CACNA2D3: variants seen among roughly 807,000 people sequenced by gnomAD.
CACNA2D3 encodes the protein calcium voltage-gated channel auxiliary subunit alpha2delta 3.
Under a neutral mutation model 160.6 loss-of-function variants are expected in CACNA2D3, and 60 were observed. The observed-to-expected ratio is 0.37, with a 90% CI of 0.30 to 0.46. CACNA2D3 has a LOEUF of 0.46. CACNA2D3 is among the 20% of genes least tolerant of loss of function. The pLI is 1.00. For synonymous variants in CACNA2D3, 558 were observed against 492.9 expected (o/e 1.13, Z -1.75); for missense variants, 1,205 against 1,365.0 (o/e 0.88, Z 1.85).
intron 5 of CACNA2D3, among the ~76,000 whole-genome samples, chr3:54,560,720 A>G (rs1015766007): frequency 9.8e-5 from 15 of 152,294 alleles, no homozygotes; most frequent in African/African-American, 3.4e-4. Flanking sequence ...TTTTACATTT[A>G]TGTCTTTAAA....
At chr3:54,223,683 G>A (rs778346273) in intron 2 of CACNA2D3, among the ~76,000 whole-genome samples, 2 of 151,740 alleles carry the variant, frequency 1.3e-5, no homozygotes, top group Non-Finnish European at 2.9e-5. Context: ...GTGAAACCCC[G>A]TCTCTACTAA....
chr3:54,453,803 C>T (rs1278841743), intron 4 of CACNA2D3, among the ~76,000 whole-genome samples: 1 of 152,170 alleles, frequency 6.6e-6, no homozygotes, highest in Non-Finnish European at 1.5e-5. Context: ...AATATTTGCA[C>T]AAAAGTCCTG....
intron 2 of CACNA2D3, among the ~76,000 whole-genome samples, chr3:54,134,999 A>G (rs1245289026): frequency 1.3e-5 from 2 of 152,234 alleles, no homozygotes; most frequent in Non-Finnish European, 2.9e-5. Context: ...AGCAAAGGCA[A>G]TTAGGAAGCT....
intron 29 of CACNA2D3, among the ~76,000 whole-genome samples, chr3:54,978,356 C>T (rs1231577710): frequency 6.6e-6 from 1 of 152,126 alleles, no homozygotes; most frequent in Admixed American, 6.6e-5. Flanking sequence ...GATGCATCTT[C>T]TGTAACTTCT....
chr3:55,066,935 GT>G (rs1389422710), intron 35 of CACNA2D3, among the ~76,000 whole-genome samples: 1 of 152,124 alleles, frequency 6.6e-6, no homozygotes, highest in African/African-American at 2.4e-5. Context: ...ATGGAGGTGT[GT>G]TTTATGAAGT....
intron 4 of CACNA2D3, among the ~76,000 whole-genome samples, chr3:54,389,127 T>G (rs145624865): frequency 0.02 from 3,057 of 152,138 alleles, 93 homozygotes; most frequent in African/African-American, 0.07. Flanking sequence ...AAACCCTGTC[T>G]CTACTAAAAA....
At chr3:54,174,586 G>T (rs546499820) in intron 2 of CACNA2D3, among the ~76,000 whole-genome samples, 1 of 140,886 alleles carries the variant, frequency 7.1e-6, no homozygotes, top group African/African-American at 2.6e-5. Context: ...GTGCAGTGGC[G>T]CGATCTCAGC....
intron 4 of CACNA2D3, among the ~76,000 whole-genome samples, chr3:54,464,708 C>T (rs1171134542): frequency 6.6e-6 from 1 of 152,228 alleles, no homozygotes; most frequent in Non-Finnish European, 1.5e-5. Context: ...AGGGGAACTC[C>T]CTGACCCCTC....
chr3:54,717,043 A>C (rs1701064069), intron 11 of CACNA2D3, among the ~76,000 whole-genome samples: 1 of 151,642 alleles, frequency 6.6e-6, no homozygotes, highest in Non-Finnish European at 1.5e-5. Context: ...TACTTTTCTG[A>C]CTTCTATCTC....
intron 35 of CACNA2D3, among the ~76,000 whole-genome samples, chr3:55,064,718 C>T (rs978688315): frequency 2.6e-5 from 4 of 152,096 alleles, no homozygotes; most frequent in African/African-American, 9.7e-5. Context: ...ATAAAGCTGG[C>T]CCTGCAGGAT....
chr3:54,432,674 T>C (rs543993720), intron 4 of CACNA2D3, among the ~76,000 whole-genome samples: 1 of 152,284 alleles, frequency 6.6e-6, no homozygotes, highest in South Asian at 2.1e-4. Context: ...ATGTGAGGCT[T>C]TCAGCATATG....
chr3:54,929,339 C>T (rs1701122391), intron 27 of CACNA2D3, among the ~76,000 whole-genome samples: 1 of 152,144 alleles, frequency 6.6e-6, no homozygotes, highest in South Asian at 2.1e-4. Flanking sequence ...TTGTATGCTG[C>T]CAACTTCTGA....
intron 3 of CACNA2D3, among the ~76,000 whole-genome samples, chr3:54,336,463 G>C (rs1313608678): frequency 6.6e-6 from 1 of 152,218 alleles, no homozygotes; most frequent in Non-Finnish European, 1.5e-5. Context: ...ATGGTGTCCA[G>C]TGTGAATGAG....
intron 2 of CACNA2D3, among the ~76,000 whole-genome samples, chr3:54,253,685 C>G (rs1454988328): frequency 2.6e-5 from 4 of 152,096 alleles, no homozygotes; most frequent in Non-Finnish European, 5.9e-5. Flanking sequence ...TATTTGTGAG[C>G]TTGTGTACCC....
chr3:54,835,154 T>A, intron 14 of CACNA2D3, among the ~76,000 whole-genome samples: 1 of 152,164 alleles, frequency 6.6e-6, no homozygotes, highest in East Asian at 1.9e-4. Flanking sequence ...TTGCTTCATT[T>A]TACTTGTCAC....
At chr3:54,670,487 C>T (rs757029160) in intron 11 of CACNA2D3, among the ~76,000 whole-genome samples, 15 of 152,212 alleles carry the variant, frequency 9.9e-5, no homozygotes, top group South Asian at 6.2e-4. Flanking sequence ...GGAGCAAAAC[C>T]GCCCCATCTG....
intron 5 of CACNA2D3, among the ~76,000 whole-genome samples, chr3:54,523,703 A>G (rs546825637): frequency 1.3e-5 from 2 of 151,828 alleles, no homozygotes; most frequent in African/African-American, 4.8e-5. Flanking sequence ...TTGTTTTCAG[A>G]TTATCTATTT....
intron 2 of CACNA2D3, among the ~76,000 whole-genome samples, chr3:54,304,159 C>T (rs1032904756): frequency 1.3e-5 from 2 of 152,142 alleles, no homozygotes; most frequent in African/African-American, 4.8e-5. Context: ...TCCCTTTCTT[C>T]CCCCGAGTTG....
intron 2 of CACNA2D3, among the ~76,000 whole-genome samples, chr3:54,254,800 G>C (rs1325669703): frequency 6.6e-6 from 1 of 152,238 alleles, no homozygotes; most frequent in East Asian, 1.9e-4. Flanking sequence ...GTGCACAGCA[G>C]CTTGTATACT....
Sources: gnomAD v4.1 joint callset for allele counts (sites outside exome capture counted in the v4.1 genomes callset) on GRCh38, gnomAD v4.1.1 for gene constraint, MANE v1.5 for transcripts, NCBI Gene and HGNC (gene_info 2026-07-23, HGNC 2026-07-21) for gene names.